The following HECW1 variants were observed in gnomAD, a reference collection of about 807,000 sequenced individuals.
HECW1 encodes the protein E3 ubiquitin-protein ligase HECW1.
In HECW1, 61 loss-of-function variants were observed where a neutral mutation model predicts 182.3. That is an observed-to-expected ratio of 0.33 (90% CI 0.27 to 0.41). The LOEUF is 0.41. HECW1 is among the 10% of genes least tolerant of loss of function. The probability of loss-of-function intolerance (pLI) is 1.00; values close to 1 mark genes in which losing one functional copy is unlikely to be tolerated. For synonymous variants in HECW1, 859 were observed against 832.6 expected, an observed-to-expected ratio of 1.03 and a Z score of -0.55; for missense variants, 1,739 against 2,108.9, an observed-to-expected ratio of 0.82 and a Z score of 3.44.
intron 5 of HECW1, among the ~76,000 whole-genome samples, chr7:43,332,938 C>A (rs936793175): frequency 2.6e-5 from 4 of 152,036 alleles, no homozygotes; most frequent in African/African-American, 9.7e-5. Context: ...TCAACCGGTC[C>A]CATAGTCACA....
rs1585316737 is a variant in HECW1 at position 43,563,069 on chromosome 7, C to T, written c.*1143C>T. 9.9e-6 allele frequency: 2 copies of T among 201,282 alleles called. No individual in the cohort carries two copies. Among genetic ancestry groups the T allele is most frequent in the East Asian group, 7.7e-5 (1 of 13,044 alleles). The allele number at this position is 201,282 out of a possible 1,614,324, so 12.5% of individuals were successfully genotyped here. ...AGTTCCTTTGCATTCGATTGTCCAT[C>T]GGGACCACACTAGGAAGCTGCAGAG... On this transcript the variant is annotated 3_prime_UTR_variant, in exon 30 of 30. Transcript: ENST00000395891.
chr7:43,360,504 T>C (rs1815732075), intron 5 of HECW1, among the ~76,000 whole-genome samples: 1 of 152,196 alleles, frequency 6.6e-6, no homozygotes, highest in African/African-American at 2.4e-5. Context: ...TTCTGCAAAT[T>C]ACCAAGATAT....
chr7:43,444,518 T>C lies in HECW1; in HGVS notation c.1346T>C (p.Ile449Thr). Residue 449 changes from isoleucine to threonine, a missense_variant, in exon 11 of 30, where the codon ATC (isoleucine) becomes ACC (threonine). Physicochemically the swap from Ile to Thr is moderately conservative, Grantham distance 89. Around this residue, in one of 5 missense-constraint regions of HECW1, gnomAD observed 971 missense variants for 1,029.1 expected, o/e 0.94. Transcript: ENST00000395891. The surrounding 1 kb of genome is among the most constrained non-coding windows in gnomAD (Gnocchi z 4.3). Reference sequence around the variant, plus strand: ...CTCCTGGCCCAGGTGCAAAAGGACATCCAGCCTGCCCCCAGTGCAGAAGAG... The same window carrying C: ...CTCCTGGCCCAGGTGCAAAAGGACACCCAGCCTGCCCCCAGTGCAGAAGAG... ...GELLAQVQKD[I>T]QPAPSAEELA... is the part of the protein sequence containing the mutation. 1.9e-6 allele frequency: 3 copies of C among 1,611,576 alleles called. No homozygotes were observed. Among genetic ancestry groups the C allele is most frequent in the Non-Finnish European group, 2.5e-6 (3 of 1,179,042 alleles).
chr7:43,274,396 G>T, intron 3 of HECW1: 2 of 634,766 alleles, frequency 3.2e-6, no homozygotes, highest in South Asian at 3.5e-5. Context: ...GAACTTCAGC[G>T]TCTGGCTGCT....
intron 2 of HECW1, among the ~76,000 whole-genome samples, chr7:43,190,788 C>T (rs1793844348): frequency 6.6e-6 from 1 of 152,230 alleles, no homozygotes; most frequent in African/African-American, 2.4e-5. Flanking sequence ...CTCCCTTATT[C>T]AAGGCCTCTA....
At chr7:43,157,592 A>C (rs1013320977) in intron 2 of HECW1, among the ~76,000 whole-genome samples, 19 of 152,158 alleles carry the variant, frequency 1.2e-4, no homozygotes, top group African/African-American at 4.3e-4. Flanking sequence ...ACAGGGTCTC[A>C]CTATGTCACT....
At chr7:43,161,938 C>CTT (rs1475359129) in intron 2 of HECW1, among the ~76,000 whole-genome samples, 3 of 152,206 alleles carry the variant, frequency 2.0e-5, no homozygotes, top group Non-Finnish European at 4.4e-5. Flanking sequence ...TTTTCATGGG[C>CTT]TTGCGCCTTT....
chr7:43,401,280 A>G (rs1255192325), intron 7 of HECW1, among the ~76,000 whole-genome samples: 1 of 152,242 alleles, frequency 6.6e-6, no homozygotes, highest in African/African-American at 2.4e-5. Flanking sequence ...CAGAAAGGGA[A>G]TCAGTGATAT....
chr7:43,341,163 G>T (rs1353031491), intron 5 of HECW1, among the ~76,000 whole-genome samples: 1 of 151,604 alleles, frequency 6.6e-6, no homozygotes, highest in South Asian at 2.1e-4. Context: ...CTGTCATAGG[G>T]TTGGGGGGCA....
At chr7:43,319,240 A>G (rs1473161050) in intron 4 of HECW1, among the ~76,000 whole-genome samples, 36 of 148,754 alleles carry the variant, frequency 2.4e-4, no homozygotes, top group Admixed American at 1.9e-3. Context: ...ACAAAAAATT[A>G]GCCGGGCGCG....
intron 28 of HECW1, among the ~76,000 whole-genome samples, chr7:43,554,197 T>C (rs2081945180): frequency 6.6e-6 from 1 of 152,212 alleles, no homozygotes; most frequent in South Asian, 2.1e-4. Context: ...TGCCAAGAGC[T>C]AAGACAGCAA....
At chr7:43,509,226 G>A in intron 24 of HECW1, 105 bp downstream of exon 24, 1 of 1,075,116 alleles carries the variant, frequency 9.3e-7, no homozygotes, top group Non-Finnish European at 1.4e-6. Flanking sequence ...GCAGTGGCCA[G>A]ATGTTATGAG....
intron 2 of HECW1, among the ~76,000 whole-genome samples, chr7:43,128,360 A>C (rs1786514196): frequency 6.6e-6 from 1 of 152,184 alleles, no homozygotes; most frequent in Non-Finnish European, 1.5e-5. Flanking sequence ...TTACCATATG[A>C]AAAATCCTAG....
At chr7:43,515,680 A>G (rs2080113806) in intron 24 of HECW1, among the ~76,000 whole-genome samples, 1 of 152,200 alleles carries the variant, frequency 6.6e-6, no homozygotes, top group African/African-American at 2.4e-5. Context: ...AGTACCCTCT[A>G]TTTTAAATGA....
chr7:43,204,246 T>C lies in HECW1; in HGVS notation c.-31-39629T>C, dbSNP rs899008876. Among the ~76,000 whole-genome samples, 6 of 152,226 alleles carry C rather than the reference T, an allele frequency of 3.9e-5. No individual in the cohort carries two copies. In the East Asian group the frequency reaches 1.2e-3, roughly 29 times the overall value. On this transcript the variant is annotated intron_variant, in intron 2 of 29. Transcript: ENST00000395891. Reference sequence around the variant, plus strand: ...GAAATTTCAAAAGAAAGCTTGAAACTGAAGACCATTTTGCATGACTCATGT... The same window carrying C: ...GAAATTTCAAAAGAAAGCTTGAAACCGAAGACCATTTTGCATGACTCATGT...
At chr7:43,163,658 A>G (rs1488534344) in intron 2 of HECW1, among the ~76,000 whole-genome samples, 1 of 152,154 alleles carries the variant, frequency 6.6e-6, no homozygotes, top group African/African-American at 2.4e-5. Flanking sequence ...GACCCCTGGG[A>G]AAGAGTTGCC....
chr7:43,478,797 C>T (rs894869010), intron 16 of HECW1, among the ~76,000 whole-genome samples: 2 of 151,924 alleles, frequency 1.3e-5, no homozygotes, highest in African/African-American at 2.4e-5. Context: ...TAAAAAAGAG[C>T]ATTTATCTTA....
At chr7:43,430,779 T>TTTATTATGATTATTATTATTATTATTA (rs1679886525) in intron 8 of HECW1, among the ~76,000 whole-genome samples, 2 of 141,718 alleles carry the variant, frequency 1.4e-5, no homozygotes, top group African/African-American at 5.2e-5. Context: ...TTTATTTTTC[T>TTTATTATGATTATTATTATTATTATTA]TTATTATTAT....
At chr7:43,284,998 A>ATT (rs55642652) in intron 3 of HECW1, among the ~76,000 whole-genome samples, 13,534 of 145,382 alleles carry the variant, frequency 0.093, 1,519 homozygotes, top group African/African-American at 0.27. Context: ...TTCTGTATGG[A>ATT]TTTTTTTTTT....
Sources: gnomAD v4.1 joint callset for allele counts (sites outside exome capture counted in the v4.1 genomes callset) on GRCh38, gnomAD v4.1.1 for gene constraint, gnomAD v4.1.1 regional missense constraint, Gnocchi (gnomAD v3.1) non-coding constraint, MANE v1.5 for transcripts, NCBI Gene and HGNC (gene_info 2026-07-23, HGNC 2026-07-21) for gene names.